Variants in IRS1 observed in about 807,000 individuals in gnomAD.
IRS1 encodes the protein insulin receptor substrate 1.
Under a neutral mutation model 65.6 loss-of-function variants are expected in IRS1, and 34 were observed. That is an observed-to-expected ratio of 0.52 (90% CI 0.39 to 0.69). The LOEUF is 0.69. Ranked by LOEUF, IRS1 falls within the 30% of genes least tolerant of loss-of-function variation. The pLI is 0.00. For missense variants in IRS1, 1,641 were observed against 1,720.2 expected (o/e 0.95, Z 0.81); for synonymous variants, 699 against 683.5 (o/e 1.02, Z -0.35).
At position 226,787,145 on chromosome 2, in the gene IRS1, C is replaced by A. The variant is rs1939503237; in HGVS notation, c.*21+7844G>T. On this transcript the variant is annotated intron_variant, in intron 1 of 1. Coordinates refer to ENST00000305123, the MANE Select transcript of IRS1 (RefSeq NM_005544.3). ...CTCTTCATTTAACAGCTGGATGCCT[C>A]TTCTTCTGGTTGCTTTCACTGGGAC... 1.3e-5 allele frequency among the ~76,000 whole-genome samples: 2 copies of A among 152,134 alleles called. 1 individual carries two copies. Among genetic ancestry groups the A allele is most frequent in the African/African-American group, 4.8e-5 (2 of 41,420 alleles).
At chr2:226,751,353 G>A (rs927135981) in intron 1 of IRS1, among the ~76,000 whole-genome samples, 1 of 136,128 alleles carries the variant, frequency 7.3e-6, no homozygotes, top group African/African-American at 2.8e-5. Flanking sequence ...GCGCAATCTC[G>A]GCTCACTGCA....
chr2:226,742,655 C>T (rs927579286), intron 1 of IRS1, among the ~76,000 whole-genome samples: 1 of 150,996 alleles, frequency 6.6e-6, no homozygotes, highest in African/African-American at 2.4e-5. Flanking sequence ...AGTGAAAGAG[C>T]TTCTGGCAGG....
At position 226,798,375 on chromosome 2, in the gene IRS1, C is replaced by G. The variant is rs559822183; in HGVS notation, c.364G>C (p.Asp122His). Residue 122 changes from aspartate (D) to histidine (H), a missense_variant, in exon 1 of 2, where the codon GAC becomes CAC. Asp to His is a moderately conservative substitution (Grantham distance 81, BLOSUM62 -1). Around this residue, in one of 3 missense-constraint regions of IRS1, gnomAD observed 240 missense variants for 229.6 expected, o/e 1.05. Coordinates refer to ENST00000305123, the MANE Select transcript of IRS1 (RefSeq NM_005544.3). The surrounding 1 kb of genome is among the most constrained non-coding windows in gnomAD (Gnocchi z 9.4). Reference protein sequence around the residue: ...QLHNRAKGHHDGAAALGAGGG... With the variant: ...QLHNRAKGHHHGAAALGAGGG... ...CCCGCCCCGAGGGCCGCAGCTCCGT[C>G]GTGGTGGCCCTTAGCACGGTTGTGC... 3.1e-6 allele frequency: 5 copies of G among 1,613,774 alleles called. No homozygotes were observed. Among genetic ancestry groups the G allele is most frequent in the Non-Finnish European group, 4.2e-6 (5 of 1,179,988 alleles).
intron 1 of IRS1, among the ~76,000 whole-genome samples, chr2:226,767,993 T>C (rs1265830601): frequency 6.6e-6 from 1 of 152,308 alleles, no homozygotes; most frequent in Admixed American, 6.5e-5. Context: ...TATGAAGCCC[T>C]GTGAGACCCT....
Position 226,796,742 on chromosome 2 carries a change from G to A in IRS1, c.1997C>T (p.Ser666Phe). Residue 666 changes from serine (S) to phenylalanine (F), a missense_variant, in exon 1 of 2, where the codon TCC becomes TTC. Physicochemically the swap from Ser to Phe is radical, Grantham distance 155. Around this residue, in one of 3 missense-constraint regions of IRS1, gnomAD observed 1,324 missense variants for 1,361.0 expected, o/e 0.97. Transcript: ENST00000305123. ...RVDPNGYMMM[S>F]PSGGCSPDIG... ...GTCAGGAGAGCAGCCACCGCTGGGGGACATCATCATGTAGCCATTGGGGTC... is the reference window on the plus strand; with the variant it reads ...GTCAGGAGAGCAGCCACCGCTGGGGAACATCATCATGTAGCCATTGGGGTC... The A allele has an allele frequency of 1.9e-6, 3 of 1,609,860 alleles. No individual in the cohort carries two copies. Among genetic ancestry groups the A allele is most frequent in the African/African-American group, 2.7e-5 (2 of 74,996 alleles).
intron 1 of IRS1, among the ~76,000 whole-genome samples, chr2:226,781,865 TACACACACACACACACACACAC>T (rs34695433): frequency 7.6e-6 from 1 of 131,504 alleles, no homozygotes; most frequent in Admixed American, 7.7e-5. Context: ...CACCCCTAAA[TACACACACACACACACACACAC>T]ACACACACAC....
intron 1 of IRS1, among the ~76,000 whole-genome samples, chr2:226,746,920 G>A (rs1386097974): frequency 6.6e-6 from 1 of 151,218 alleles, no homozygotes; most frequent in Non-Finnish European, 1.5e-5. Context: ...CTCCCAAGTA[G>A]CTGGGACTAC....
In IRS1 at chr2:226,795,811, G is replaced by A; in HGVS notation, c.2928C>T (p.Cys976=). 1 of 1,612,962 alleles carries A rather than the reference G, an allele frequency of 6.2e-7. No individual in the cohort carries two copies. The highest frequency in any genetic ancestry group is 1.3e-5 in the African/African-American group (1 of 75,064). ...GPAPPGAASI[C]RPTRAVPSSR... is the part of the protein sequence containing the mutation. ...TGCTGGGCACTGCCCGGGTAGGCCTGCAAATGCTAGCAGCCCCGGGAGGTG... is the reference window on the plus strand; with the variant it reads ...TGCTGGGCACTGCCCGGGTAGGCCTACAAATGCTAGCAGCCCCGGGAGGTG... The change falls in exon 1 of 2, where the codon TGC becomes TGT. Residue 976 remains cysteine, a synonymous_variant. Transcript: ENST00000305123.
intron 1 of IRS1, among the ~76,000 whole-genome samples, chr2:226,744,285 A>G (rs1439365787): frequency 6.6e-6 from 1 of 152,244 alleles, no homozygotes; most frequent in Non-Finnish European, 1.5e-5. Context: ...GAACTTGGTC[A>G]TGTAAGAAAA....
In IRS1 at chr2:226,799,335, G is replaced by T; in HGVS notation, c.-597C>A. 5 of 1,241,010 alleles carry T rather than the reference G, an allele frequency of 4.0e-6. No individual in the cohort carries two copies. The highest frequency in any genetic ancestry group is 5.2e-6 in the Non-Finnish European group (5 of 960,586). 76.9% of individuals were successfully genotyped at this position (1,241,010 alleles called of 1,614,324 possible). A position where few individuals can be genotyped will look rare whatever the true frequency, so the allele number is the denominator to read the frequency against. On this transcript the variant is annotated 5_prime_UTR_variant, in exon 1 of 2. An upstream open reading frame in the 5' UTR gains an earlier in-frame stop. Coordinates refer to ENST00000305123, the MANE Select transcript of IRS1 (RefSeq NM_005544.3). This position sits in a 1 kb window ranked among gnomAD's most constrained non-coding sequence, Gnocchi z 6.1. ...CAGCCGCCCAAATACCAGCTCAGTC[G>T]CAGAGACCGCGGCGCTGCGGCTGTT...
chr2:226,744,666 G>A lies in IRS1; in HGVS notation c.*22-8416C>T, dbSNP rs190605502. ...CCTATCATGAACCGTGTATGCAAGG[G>A]ATCTATGTTGCACATGCTCTTTATG... On this transcript the variant is annotated intron_variant, in intron 1 of 1. Coordinates refer to ENST00000305123, the MANE Select transcript of IRS1 (RefSeq NM_005544.3). Among the ~76,000 whole-genome samples the A allele has an allele frequency of 3.3e-5, 5 of 152,240 alleles. No individual in the cohort carries two copies. The East Asian group carries it at 9.7e-4, about 29-fold the overall frequency.
At chr2:226,761,354 C>T (rs1417981977) in intron 1 of IRS1, among the ~76,000 whole-genome samples, 1 of 152,084 alleles carries the variant, frequency 6.6e-6, no homozygotes, top group Non-Finnish European at 1.5e-5. Context: ...ACAGGGGGCA[C>T]TATTTACACC....
intron 1 of IRS1, among the ~76,000 whole-genome samples, chr2:226,754,465 C>T (rs984832053): frequency 1.3e-5 from 2 of 152,174 alleles, no homozygotes; most frequent in African/African-American, 4.8e-5. Flanking sequence ...ATTCTCGCCA[C>T]GATCCTGAGA....
In IRS1 at chr2:226,791,112, G is replaced by T. The variant is rs1050977223; in HGVS notation, c.*21+3877C>A. The stretch of plus-strand genomic sequence containing the variant: ...TTTTCCCAGCTCTTACCTAGCTCTG[G>T]TGCTTTGCAGTAAAGTGTATGGAGC... On this transcript the variant is annotated intron_variant, in intron 1 of 1. Coordinates refer to ENST00000305123, the MANE Select transcript of IRS1 (RefSeq NM_005544.3). 5.3e-5 allele frequency among the ~76,000 whole-genome samples: 8 copies of T among 152,260 alleles called. No homozygotes were observed. In the South Asian group the frequency reaches 1.7e-3, roughly 32 times the overall value.
intron 1 of IRS1, among the ~76,000 whole-genome samples, chr2:226,778,170 TTAATAGTACTTTACAGTATATTTCTA>T (rs1279019115): frequency 6.6e-6 from 1 of 152,184 alleles, no homozygotes; most frequent in Non-Finnish European, 1.5e-5. Flanking sequence ...TTTTTAGAAC[TTAATAGTACTTTACAGTATATTTCTA>T]TAATTTAAAT....
chr2:226,774,805 C>G (rs1475075591), intron 1 of IRS1, among the ~76,000 whole-genome samples: 3 of 152,162 alleles, frequency 2.0e-5, no homozygotes, highest in Admixed American at 2.0e-4. Context: ...TGAATCTTAA[C>G]TGCATATTGC....
At chr2:226,769,103 A>G (rs1939114877) in intron 1 of IRS1, among the ~76,000 whole-genome samples, 1 of 152,256 alleles carries the variant, frequency 6.6e-6, no homozygotes, top group South Asian at 2.1e-4. Context: ...ATGCAACTGA[A>G]GAGACCATCA....
chr2:226,791,356 A>C (rs990357101), intron 1 of IRS1, among the ~76,000 whole-genome samples: 1 of 152,142 alleles, frequency 6.6e-6, no homozygotes, highest in African/African-American at 2.4e-5. Context: ...CCTCGTAGTA[A>C]ACCGTAGTAA....
chr2:226,760,564 A>C (rs1400178975), intron 1 of IRS1, among the ~76,000 whole-genome samples: 3 of 152,162 alleles, frequency 2.0e-5, no homozygotes, highest in Non-Finnish European at 4.4e-5. Context: ...GCAACCTGGC[A>C]TTTACATTCT....
Sources: allele counts gnomAD v4.1 joint callset (sites outside exome capture counted in the v4.1 genomes callset), GRCh38; gene constraint gnomAD v4.1.1; regional missense constraint gnomAD v4.1.1; non-coding constraint Gnocchi (gnomAD v3.1); transcripts MANE v1.5; gene names NCBI Gene and HGNC (gene_info 2026-07-23, HGNC 2026-07-21).